The following TET3 variants were observed in gnomAD, a reference collection of about 807,000 sequenced individuals.
TET3 encodes the protein methylcytosine dioxygenase TET3.
TET3 carries 19 observed loss-of-function variants against 141.4 expected under a neutral mutation model. That is an observed-to-expected ratio of 0.13 (90% CI 0.09 to 0.20). TET3 has a LOEUF of 0.20. Ranked by LOEUF, TET3 falls within the 10% of genes least tolerant of loss-of-function variation. TET3 has a pLI of 1.00. For synonymous variants in TET3, 1,043 were observed against 980.9 expected (o/e 1.06, Z -1.18); for missense variants, 1,874 against 2,356.9 (o/e 0.80, Z 4.24).
chr2:74,064,272 A>C (rs1688758720), intron 4 of TET3, among the ~76,000 whole-genome samples: 2 of 152,000 alleles, frequency 1.3e-5, no homozygotes, highest in Admixed American at 6.6e-5. Flanking sequence ...GTGAGTTATG[A>C]ATATTGTTAG....
intron 3 of TET3, among the ~76,000 whole-genome samples, chr2:74,007,175 T>C (rs968051074): frequency 2.0e-5 from 3 of 152,198 alleles, no homozygotes; most frequent in African/African-American, 7.2e-5. Flanking sequence ...CTGGAAGCTT[T>C]TGTGTTTTGT....
the TET3 span, among the ~76,000 whole-genome samples, chr2:74,133,234 C>A: frequency 1.3e-5 from 2 of 152,136 alleles, no homozygotes; most frequent in Non-Finnish European, 2.9e-5. Flanking sequence ...CTCTTCAACC[C>A]GTCTGTCAAT....
intron 4 of TET3, among the ~76,000 whole-genome samples, chr2:74,068,402 G>A (rs1480456148): frequency 6.6e-6 from 1 of 151,958 alleles, no homozygotes; most frequent in Non-Finnish European, 1.5e-5. Flanking sequence ...ATATCTTGGA[G>A]GTCATTTTCT....
chr2:74,079,144 C>A (rs1689667938), intron 5 of TET3, among the ~76,000 whole-genome samples: 1 of 152,192 alleles, frequency 6.6e-6, no homozygotes, highest in African/African-American at 2.4e-5. Context: ...GTCAGGAGTT[C>A]AAGACGAGCC....
the TET3 span, among the ~76,000 whole-genome samples, chr2:74,119,375 T>C: frequency 4.6e-5 from 7 of 151,626 alleles, no homozygotes; most frequent in African/African-American, 7.3e-5. Context: ...AAAAAAGATA[T>C]TGCCATCTTT....
chr2:74,033,580 C>G (rs527437288), intron 3 of TET3, among the ~76,000 whole-genome samples: 1 of 152,168 alleles, frequency 6.6e-6, no homozygotes, highest in Admixed American at 6.5e-5. Flanking sequence ...AGGTCCAGCT[C>G]TAAACCACTG....
rs1227562105 is a variant in TET3 at position 74,047,367 on chromosome 2, C to T, written c.1450C>T (p.Leu484=). Reference sequence around the variant, plus strand: ...GTCAGTATTCAAGCGGCCTGAGGCCCTGCCTACCAAGCCCAAGGTCAAGGT... The same window carrying T: ...GTCAGTATTCAAGCGGCCTGAGGCCTTGCCTACCAAGCCCAAGGTCAAGGT... The part of the protein sequence containing the change: ...IQSVFKRPEA[L]PTKPKVKVEA... The change falls in exon 4 of 12, where the codon CTG becomes TTG. Residue 484 remains leucine, a synonymous_variant. Coordinates refer to ENST00000409262, the MANE Select transcript of TET3 (RefSeq NM_001287491.2). 6.2e-7 allele frequency: 1 copy of T among 1,613,826 alleles called. No homozygotes were observed. Among genetic ancestry groups the T allele is most frequent in the Non-Finnish European group, 8.5e-7 (1 of 1,179,906 alleles).
intron 4 of TET3, among the ~76,000 whole-genome samples, chr2:74,055,783 G>C (rs369514636): frequency 1.3e-5 from 2 of 152,132 alleles, no homozygotes; most frequent in Non-Finnish European, 2.9e-5. Context: ...TGGGTTAATG[G>C]ATTAACAGGT....
chr2:74,122,866 G>A, the TET3 span: 2 of 151,396 alleles, frequency 1.3e-5, no homozygotes, highest in African/African-American at 2.4e-5. Flanking sequence ...CCTAATTTTT[G>A]TATTTTTTAT....
the TET3 span, chr2:74,122,511 A>ATTTTTTTTTTTTTTTTTTTTTTTTTT: frequency 2.1e-5 from 1 of 47,570 alleles, no homozygotes; most frequent in Non-Finnish European, 3.8e-5. Flanking sequence ...ATATATATAT[A>ATTTTTTTTTTTTTTTTTTTTTTTTTT]TTTTTTTTTT....
At position 74,105,663 on chromosome 2, in the gene TET3, CAGT is replaced by C. The variant is rs1333962439; in HGVS notation, c.*3491_*3493del. ...TCCTTCCACCAGCCTCTTTTGGGAACAGTAGTTTGCAGAGCAAGGGATTTTTAA... is the reference window on the plus strand; with the variant it reads ...TCCTTCCACCAGCCTCTTTTGGGAACAGTTTGCAGAGCAAGGGATTTTTAA... On this transcript the variant is annotated 3_prime_UTR_variant, in exon 12 of 12. Transcript: ENST00000409262. 1 of 326,384 alleles carries C rather than the reference CAGT, an allele frequency of 3.1e-6. No individual in the cohort carries two copies. Among genetic ancestry groups the C allele is most frequent in the African/African-American group, 2.2e-5 (1 of 44,780 alleles). The allele number at this position is 326,384 out of a possible 1,614,324, so 20.2% of individuals were successfully genotyped here. A position where few individuals can be genotyped will look rare whatever the true frequency, so the allele number is the denominator to read the frequency against.
intron 4 of TET3, among the ~76,000 whole-genome samples, chr2:74,052,180 G>A (rs769020907): frequency 1.4e-4 from 22 of 152,214 alleles, no homozygotes; most frequent in East Asian, 3.9e-4. Context: ...GGGTTTCACC[G>A]TGTTGCCCAG....
chr2:74,101,257 G>T lies in TET3; in HGVS notation c.4469G>T (p.Trp1490Leu). Reference protein sequence around the residue: ...LAPSHFTDGQWGLFPGEGQQA... With the variant: ...LAPSHFTDGQLGLFPGEGQQA... The stretch of plus-strand genomic sequence containing the variant: ...CCTTCCCACTTCACAGATGGCCAGT[G>T]GGGGCTGTTCCCCGGTGAGGGGCAG... Residue 1490 changes from tryptophan to leucine, a missense_variant, in exon 12 of 12, where the codon TGG (tryptophan) becomes TTG (leucine). This residue lies in a region of TET3 where 602 missense variants were observed against 590.2 expected (regional missense o/e 1.02). Coordinates refer to ENST00000409262, the MANE Select transcript of TET3 (RefSeq NM_001287491.2). This position sits in a 1 kb window ranked among gnomAD's most constrained non-coding sequence, Gnocchi z 8.5. 2 of 1,612,698 alleles carry T rather than the reference G, an allele frequency of 1.2e-6. No individual in the cohort carries two copies. The highest frequency in any genetic ancestry group is 1.1e-5 in the South Asian group (1 of 90,848).
chr2:74,036,589 C>G (rs1292970389), intron 3 of TET3, among the ~76,000 whole-genome samples: 1 of 152,172 alleles, frequency 6.6e-6, no homozygotes, highest in Non-Finnish European at 1.5e-5. Flanking sequence ...TCCACATTGC[C>G]TTGTGATCTT....
chr2:74,032,451 C>CTGTGTGTGTGTGTGTG (rs61217149), intron 3 of TET3, among the ~76,000 whole-genome samples: 1 of 71,952 alleles, frequency 1.4e-5, no homozygotes, highest in African/African-American at 1.1e-4. Flanking sequence ...GGGTGTGTCT[C>CTGTGTGTGTGTGTGTG]TGTGTGTGTG....
At position 74,105,416 on chromosome 2, in the gene TET3, C is replaced by G. The variant is rs566702644; in HGVS notation, c.*3240C>G. On this transcript the variant is annotated 3_prime_UTR_variant, in exon 12 of 12. Transcript: ENST00000409262. ...AAAATCGCTTCGCAGCAGGTTCTCA[C>G]AAAATAACTGGTGCTAGCTCAAGAA... The G allele has an allele frequency of 2.5e-6, 1 of 398,558 alleles. No homozygotes were observed. The highest frequency in any genetic ancestry group is 1.3e-4 in the South Asian group (1 of 7,830). 24.7% of individuals were successfully genotyped at this position (398,558 alleles called of 1,614,324 possible).
intron 6 of TET3, among the ~76,000 whole-genome samples, chr2:74,083,472 G>A (rs577007158): frequency 1.3e-5 from 2 of 152,346 alleles, no homozygotes; most frequent in African/African-American, 4.8e-5. Flanking sequence ...TTGGGGTTCT[G>A]CTGGGGGTTA....
At position 74,073,702 on chromosome 2, in the gene TET3, G is replaced by A. The variant is rs567229439; in HGVS notation, c.2585+63G>A. On this transcript the variant is annotated intron_variant, in intron 5 of 11. Coordinates refer to ENST00000409262, the MANE Select transcript of TET3 (RefSeq NM_001287491.2). Reference sequence around the variant, plus strand: ...GCTGTTAATGGAATACGGATATTAAGCGCCTCTCATTTTTCTTTGCCTTGT... The same window carrying A: ...GCTGTTAATGGAATACGGATATTAAACGCCTCTCATTTTTCTTTGCCTTGT... 4.4e-4 allele frequency: 605 copies of A among 1,361,032 alleles called. 1 individual carries two copies. The African/African-American group carries it at 7.8e-3, about 18-fold the overall frequency. 84.3% of individuals were successfully genotyped at this position (1,361,032 alleles called of 1,614,324 possible).
chr2:74,092,829 C>A, intron 8 of TET3, 73 bp from the exon 9 acceptor site: 3 of 1,325,402 alleles, frequency 2.3e-6, no homozygotes, highest in Non-Finnish European at 3.2e-6. Flanking sequence ...TTCAGGAATG[C>A]CAGTCCACTT....
Sources: gnomAD v4.1 joint callset for allele counts (sites outside exome capture counted in the v4.1 genomes callset) on GRCh38, gnomAD v4.1.1 for gene constraint, gnomAD v4.1.1 regional missense constraint, Gnocchi (gnomAD v3.1) non-coding constraint, MANE v1.5 for transcripts, NCBI Gene and HGNC (gene_info 2026-07-23, HGNC 2026-07-21) for gene names.